The following PCDH15 variants were observed in gnomAD, a reference collection of about 807,000 sequenced individuals.
PCDH15 encodes protocadherin related 15, also known as protocadherin-15.
PCDH15 carries 129 observed loss-of-function variants against 178.5 expected under a neutral mutation model. The ratio of observed to expected loss-of-function variants is 0.72; its 90% CI spans 0.63 to 0.84. PCDH15 has a LOEUF of 0.84. Ranked by LOEUF, PCDH15 falls within the 40% of genes least tolerant of loss-of-function variation. PCDH15 has a pLI of 0.00. For missense variants in PCDH15, 2,230 were observed against 2,099.9 expected, an observed-to-expected ratio of 1.06 and a Z score of -1.21; for synonymous variants, 800 against 732.0, an observed-to-expected ratio of 1.09 and a Z score of -1.50.
chr10:55,058,435 C>A (rs1458977948), intron 2 of PCDH15, among the ~76,000 whole-genome samples: 1 of 152,042 alleles, frequency 6.6e-6, no homozygotes, highest in Non-Finnish European at 1.5e-5. Flanking sequence ...TTCTCAAACT[C>A]CTGAGTTGAA....
intron 3 of PCDH15, among the ~76,000 whole-genome samples, chr10:54,454,441 T>C (rs1256894990): frequency 6.7e-6 from 1 of 149,016 alleles, no homozygotes; most frequent in Non-Finnish European, 1.5e-5. Context: ...TTAATATTTA[T>C]TGTTAATTTT....
At chr10:54,858,027 A>G (rs1482939002) in intron 3 of PCDH15, among the ~76,000 whole-genome samples, 1 of 152,136 alleles carries the variant, frequency 6.6e-6, no homozygotes, top group Non-Finnish European at 1.5e-5. Flanking sequence ...TGTGCAATAG[A>G]TCTTGAAAAC....
intron 3 of PCDH15, among the ~76,000 whole-genome samples, chr10:54,470,322 G>A (rs2077820743): frequency 6.6e-6 from 1 of 152,156 alleles, no homozygotes; most frequent in African/African-American, 2.4e-5. Context: ...CGACCCTGCT[G>A]CTAAAGGTTG....
intron 1 of PCDH15, among the ~76,000 whole-genome samples, chr10:54,672,870 T>C (rs1423854681): frequency 6.6e-6 from 1 of 152,106 alleles, no homozygotes; most frequent in Non-Finnish European, 1.5e-5. Flanking sequence ...GCCATTACCA[T>C]AGCTTGGTAG....
At chr10:54,837,984 T>C (rs888708350) in intron 3 of PCDH15, among the ~76,000 whole-genome samples, 2 of 152,000 alleles carry the variant, frequency 1.3e-5, no homozygotes, top group African/African-American at 4.8e-5. Context: ...CTTTCAATCA[T>C]AACCTAGGAA....
chr10:54,655,913 G>A lies in PCDH15; in HGVS notation c.91+8259C>T, dbSNP rs374379736. 2.6e-5 allele frequency: 4 copies of A among 152,210 alleles called. No homozygotes were observed. In the East Asian group the frequency reaches 5.8e-4, roughly 22 times the overall value. The allele number at this position is 152,210 out of a possible 1,614,324, so 9.4% of individuals were successfully genotyped here. A position where few individuals can be genotyped will look rare whatever the true frequency, so the allele number is the denominator to read the frequency against. Reference sequence around the variant, plus strand: ...GAAAAAAATTATTGGAGTTAACATTGAAAGTAACAATGGTATTTCTTGTCA... The same window carrying A: ...GAAAAAAATTATTGGAGTTAACATTAAAAGTAACAATGGTATTTCTTGTCA... On this transcript the variant is annotated intron_variant, in intron 2 of 37. Coordinates refer to ENST00000644397, the MANE Select transcript of PCDH15 (RefSeq NM_001384140.1).
At chr10:53,816,421 A>G (rs924243893) in intron 34 of PCDH15, 144 bp from the exon 35 acceptor site, 5 of 392,290 alleles carry the variant, frequency 1.3e-5, no homozygotes, top group Admixed American at 8.8e-5. Context: ...GTTAGCTACC[A>G]AAAGCATTAA....
At chr10:55,290,015 C>G (rs915122400) in intron 1 of PCDH15, among the ~76,000 whole-genome samples, 1 of 150,506 alleles carries the variant, frequency 6.6e-6, no homozygotes, top group Non-Finnish European at 1.5e-5. Context: ...TCACTAGATA[C>G]CTGAGTCATG....
At chr10:54,386,573 A>G (rs1308959403) in intron 3 of PCDH15, among the ~76,000 whole-genome samples, 2 of 152,202 alleles carry the variant, frequency 1.3e-5, no homozygotes, top group African/African-American at 4.8e-5. Context: ...CACTATAAAC[A>G]TTCATTGTTA....
chr10:55,396,925 T>A (rs1371239033), intron 2 of PCDH15, among the ~76,000 whole-genome samples: 2 of 152,212 alleles, frequency 1.3e-5, no homozygotes, highest in African/African-American at 2.4e-5. Flanking sequence ...AATTTTTGTA[T>A]AAGTAACTGA....
At chr10:54,935,481 C>A (rs1837880725) in intron 2 of PCDH15, among the ~76,000 whole-genome samples, 1 of 152,078 alleles carries the variant, frequency 6.6e-6, no homozygotes, top group South Asian at 2.1e-4. Context: ...AAAATATACC[C>A]TTCAAATGCA....
At chr10:54,793,573 T>C (rs1951641062) in intron 1 of PCDH15, among the ~76,000 whole-genome samples, 1 of 151,424 alleles carries the variant, frequency 6.6e-6, no homozygotes, top group Non-Finnish European at 1.5e-5. Flanking sequence ...GAATTAATGA[T>C]AGAAAAATAA....
intron 2 of PCDH15, among the ~76,000 whole-genome samples, chr10:55,142,658 A>G (rs1233061070): frequency 8.5e-6 from 1 of 117,404 alleles, no homozygotes; most frequent in Non-Finnish European, 1.9e-5. Context: ...ATATCTCTAA[A>G]AAGATGGATA....
intron 2 of PCDH15, among the ~76,000 whole-genome samples, chr10:55,616,875 T>C (rs1297489996): frequency 6.6e-6 from 1 of 152,114 alleles, no homozygotes; most frequent in Non-Finnish European, 1.5e-5. Context: ...GTAAAACCTA[T>C]TAAAGTGTTA....
At chr10:53,969,478 C>A (rs879613974) in intron 21 of PCDH15, among the ~76,000 whole-genome samples, 76 of 152,060 alleles carry the variant, frequency 5.0e-4, no homozygotes, top group African/African-American at 1.8e-3. Context: ...ACAAGGCAGG[C>A]CAACATTCAA....
Position 55,136,882 on chromosome 10 carries a change from C to T in PCDH15, c.-80+29694G>A, listed in dbSNP as rs573837268. Among the ~76,000 whole-genome samples the T allele has an allele frequency of 3.3e-5, 5 of 152,182 alleles. No homozygotes were observed. In the East Asian group the frequency reaches 7.7e-4, roughly 23 times the overall value. On this transcript the variant is annotated intron_variant, in intron 2 of 5. Coordinates refer to the PCDH15 transcript ENST00000458638. ...GAAAATGGAAGAAAATATTCAGATA[C>T]GGACTTTTCCTCCTTCAGTTCTGCA...
intron 1 of PCDH15, among the ~76,000 whole-genome samples, chr10:55,298,871 C>G (rs1297271096): frequency 6.6e-6 from 1 of 152,158 alleles, no homozygotes; most frequent in East Asian, 1.9e-4. Flanking sequence ...AGCCACCGTG[C>G]CCGGCGATAG....
chr10:55,182,175 T>C (rs986009875), intron 1 of PCDH15, among the ~76,000 whole-genome samples: 1 of 151,992 alleles, frequency 6.6e-6, no homozygotes, highest in Non-Finnish European at 1.5e-5. Flanking sequence ...GGGAGGTATA[T>C]TGGAAAGTTA....
chr10:55,212,735 C>T (rs1157060981), intron 1 of PCDH15, among the ~76,000 whole-genome samples: 1 of 152,036 alleles, frequency 6.6e-6, no homozygotes, highest in Middle Eastern at 3.2e-3. Flanking sequence ...TAGCATAAGC[C>T]TGAAGTTCTT....
Sources: gnomAD v4.1 joint callset for allele counts (sites outside exome capture counted in the v4.1 genomes callset) on GRCh38, gnomAD v4.1.1 for gene constraint, MANE v1.5 for transcripts, NCBI Gene and HGNC (gene_info 2026-07-23, HGNC 2026-07-21) for gene names.